Variants in POLN observed in about 807,000 individuals in gnomAD.
POLN encodes the protein DNA polymerase nu.
Under a neutral mutation model 113.5 loss-of-function variants are expected in POLN, and 108 were observed. The observed-to-expected ratio is 0.95, with a 90% CI of 0.81 to 1.12. The LOEUF is 1.12. Among genes scored for constraint, POLN ranks in the 50% most tolerant of loss-of-function variants. POLN has a pLI of 0.00. For missense variants in POLN, 1,097 were observed against 1,077.1 expected (o/e 1.02, Z -0.26); for synonymous variants, 386 against 391.5 (o/e 0.99, Z 0.17).
In POLN at chr4:2,240,740, C is replaced by T. The variant is rs1252557137; in HGVS notation, c.-13+780G>A. Reference sequence around the variant, plus strand: ...CCAATGCCGCCCCTTCTAGAATAGGCTTGCCTGATTTCTGAAGAATGCTAA... The same window carrying T: ...CCAATGCCGCCCCTTCTAGAATAGGTTTGCCTGATTTCTGAAGAATGCTAA... On this transcript the variant is annotated intron_variant, in intron 2 of 25. Coordinates refer to ENST00000511885, the MANE Select transcript of POLN (RefSeq NM_181808.4). 6.2e-6 allele frequency: 10 copies of T among 1,613,882 alleles called. No individual in the cohort carries two copies. The South Asian group carries it at 1.1e-4, about 18-fold the overall frequency.
intron 2 of POLN, among the ~76,000 whole-genome samples, chr4:2,237,567 T>C (rs991622260): frequency 3.3e-5 from 5 of 151,964 alleles, no homozygotes; most frequent in African/African-American, 1.2e-4. Flanking sequence ...AGCAATGAAT[T>C]TGAAACGGAA....
intron 2 of POLN, among the ~76,000 whole-genome samples, chr4:2,232,756 A>C (rs1377731407): frequency 6.6e-6 from 1 of 152,202 alleles, no homozygotes; most frequent in African/African-American, 2.4e-5. Flanking sequence ...TATTTATTAC[A>C]GTAAATTCAA....
intron 19 of POLN, among the ~76,000 whole-genome samples, chr4:2,107,567 C>T (rs1560997154): frequency 6.6e-6 from 1 of 152,026 alleles, no homozygotes; most frequent in Non-Finnish European, 1.5e-5. Flanking sequence ...GGGGACCAGC[C>T]AGGAAGTTAT....
intron 11 of POLN, among the ~76,000 whole-genome samples, chr4:2,172,628 G>A (rs1732891673): frequency 6.6e-6 from 1 of 152,136 alleles, no homozygotes; most frequent in Admixed American, 6.5e-5. Context: ...CTCATAATGA[G>A]ATATCATTAT....
At chr4:2,120,618 C>T (rs1577704601) in intron 19 of POLN, among the ~76,000 whole-genome samples, 8 of 151,948 alleles carry the variant, frequency 5.3e-5, no homozygotes, top group Admixed American at 5.2e-4. Context: ...CTCAGTCTCT[C>T]GAATAATTGG....
chr4:2,235,301 C>T (rs1734722283), intron 2 of POLN, among the ~76,000 whole-genome samples: 1 of 152,188 alleles, frequency 6.6e-6, no homozygotes, highest in African/African-American at 2.4e-5. Flanking sequence ...TAATGGGAGA[C>T]CTTTCAAAAA....
chr4:2,171,263 C>G (rs1732853852), intron 11 of POLN, 82 bp from the exon 12 acceptor site: 5 of 1,345,816 alleles, frequency 3.7e-6, no homozygotes, highest in Non-Finnish European at 5.2e-6. Flanking sequence ...AAACAATTCT[C>G]AACAGCGAGA....
intron 7 of POLN, among the ~76,000 whole-genome samples, chr4:2,181,282 T>C (rs1733135321): frequency 6.6e-6 from 1 of 152,066 alleles, no homozygotes; most frequent in Non-Finnish European, 1.5e-5. Flanking sequence ...GTAGCTGGGA[T>C]TATAGGCACC....
intron 7 of POLN, among the ~76,000 whole-genome samples, chr4:2,181,825 C>T (rs1255057664): frequency 3.3e-5 from 5 of 151,950 alleles, no homozygotes; most frequent in Admixed American, 2.6e-4. Context: ...ACGGTGAAAC[C>T]CTGTCTCTAC....
intron 19 of POLN, among the ~76,000 whole-genome samples, chr4:2,107,603 G>A (rs757844263): frequency 1.1e-4 from 16 of 152,162 alleles, no homozygotes; most frequent in Non-Finnish European, 2.4e-4. Context: ...GGGAGATAAC[G>A]AAGGCCTGAT....
intron 20 of POLN, chr4:2,090,263 C>G: frequency 1.2e-6 from 1 of 801,962 alleles, no homozygotes; most frequent in Non-Finnish European, 2.1e-6. Flanking sequence ...GTTCCAGAAC[C>G]TCTGACAAAG....
chr4:2,112,497 G>T (rs1342912065), intron 19 of POLN, among the ~76,000 whole-genome samples: 1 of 152,122 alleles, frequency 6.6e-6, no homozygotes, highest in African/African-American at 2.4e-5. Context: ...CTGACAAAGG[G>T]CTAATATCCA....
In POLN at chr4:2,242,090, C is replaced by T; in HGVS notation, c.-323G>A. ...CTTGCTTCTCGCAGGAGCCCGCCGC[C>T]ACCGCCCTCCGTGCCCCGCGCGCCT... On this transcript the variant is annotated 5_prime_UTR_variant, in exon 1 of 26. Coordinates refer to ENST00000511885, the MANE Select transcript of POLN (RefSeq NM_181808.4). The T allele has an allele frequency of 1.0e-6, 1 of 985,920 alleles. No homozygotes were observed. The highest frequency in any genetic ancestry group is 1.2e-6 in the Non-Finnish European group (1 of 830,288). The allele number at this position is 985,920 out of a possible 1,614,324, so 61.1% of individuals were successfully genotyped here.
intron 20 of POLN, chr4:2,089,333 C>G: frequency 7.2e-7 from 1 of 1,388,724 alleles, no homozygotes; most frequent in Non-Finnish European, 1.0e-6. Context: ...TCTGATATTC[C>G]TGGTGAAGAC....
At chr4:2,123,624 CAAA>C (rs771462226) in intron 19 of POLN, among the ~76,000 whole-genome samples, 2 of 54,952 alleles carry the variant, frequency 3.6e-5, no homozygotes, top group African/African-American at 6.5e-5. Context: ...GACCCTGTCT[CAAA>C]AAAAAAAAAA....
Position 2,240,840 on chromosome 4 carries a change from T to C in POLN, c.-13+680A>G, listed in dbSNP as rs758639847. 3.1e-6 allele frequency: 5 copies of C among 1,613,562 alleles called. No homozygotes were observed. In the South Asian group the frequency reaches 3.3e-5, roughly 11 times the overall value. ...ACAAAACCACTTCAGAAACGATTCA[T>C]CTTCAACGCCCTCAAACAACCAGTC... On this transcript the variant is annotated intron_variant, in intron 2 of 25. Coordinates refer to ENST00000511885, the MANE Select transcript of POLN (RefSeq NM_181808.4).
intron 20 of POLN, among the ~76,000 whole-genome samples, chr4:2,092,168 T>C (rs1384253169): frequency 6.6e-6 from 1 of 152,174 alleles, no homozygotes; most frequent in Non-Finnish European, 1.5e-5. Context: ...CCGTGTCTCC[T>C]CTGACAGGTG....
chr4:2,090,506 CA>C (rs1262435116), intron 20 of POLN: 1 of 519,348 alleles, frequency 1.9e-6, no homozygotes, highest in East Asian at 3.3e-5. Context: ...ATAAACTGAG[CA>C]GCTGTTGATA....
Position 2,085,684 on chromosome 4 carries a change from T to G in POLN, c.2126A>C (p.Glu709Ala). The change falls in exon 21 of 26, where the codon GAG becomes GCG. Residue 709 changes from glutamate to alanine, a missense_variant. Physicochemically the swap from Glu to Ala is moderately radical, Grantham distance 107. Coordinates refer to ENST00000511885, the MANE Select transcript of POLN (RefSeq NM_181808.4). ...VPIQEAAQFL[E>A]SFLQKYKKIK... ...TTTCTTGTACTTCTGCAAAAAACTC[T>G]CCAAAAACTGGGCAGCTTCCTGAAT... The G allele has an allele frequency of 1.2e-6, 2 of 1,613,972 alleles. No individual in the cohort carries two copies. Among genetic ancestry groups the G allele is most frequent in the East Asian group, 2.2e-5 (1 of 44,896 alleles).
Sources: allele counts gnomAD v4.1 joint callset (sites outside exome capture counted in the v4.1 genomes callset), GRCh38; gene constraint gnomAD v4.1.1; transcripts MANE v1.5; gene names NCBI Gene and HGNC (gene_info 2026-07-23, HGNC 2026-07-21).